USP49: variants seen among roughly 807,000 people sequenced by gnomAD.
USP49 encodes ubiquitin carboxyl-terminal hydrolase 49.
In USP49, 24 loss-of-function variants were observed where a neutral mutation model predicts 58.6. That is an observed-to-expected ratio of 0.41 (90% CI 0.30 to 0.58). The LOEUF (loss-of-function observed/expected upper bound fraction) is 0.58. USP49 is among the 20% of genes least tolerant of loss of function. The pLI is 0.30. For synonymous variants in USP49, 408 were observed against 365.1 expected, an observed-to-expected ratio of 1.12 and a Z score of -1.34; for missense variants, 703 against 866.1, an observed-to-expected ratio of 0.81 and a Z score of 2.36.
At position 41,790,609 on chromosome 6, in the gene USP49, G is replaced by A. The variant is rs1772780610; in HGVS notation, c.*5924C>T. ...TTGGAAAGGAGGGTCAGTATATAAG[G>A]ACCACAGTGGCCTGTTAAGGATGAC... On this transcript the variant is annotated 3_prime_UTR_variant, in exon 8 of 8. Coordinates refer to ENST00000682992, the MANE Select transcript of USP49 (RefSeq NM_001286554.2). 1.3e-5 allele frequency: 2 copies of A among 152,150 alleles called. No homozygotes were observed. The highest frequency in any genetic ancestry group is 6.5e-5 in the Admixed American group (1 of 15,268). 9.4% of individuals were successfully genotyped at this position (152,150 alleles called of 1,614,324 possible).
rs749453592 is a variant in USP49, at chr6:41,806,089, C to A, written c.895G>T (p.Gly299Trp). 5.7e-5 allele frequency: 92 copies of A among 1,613,906 alleles called. No individual in the cohort carries two copies. The highest frequency in any genetic ancestry group is 7.4e-5 in the Non-Finnish European group (87 of 1,180,050). ...GGCTTGCCAGAAAGCTGAGTCTTCC[C>A]GTTGGTGGCTTTGGGAAACAGATGT... ...TEHLFPKATNGKTQLSGKPTN... is the reference protein window; with the variant it reads ...TEHLFPKATNWKTQLSGKPTN... The change falls in exon 4 of 8, where the codon GGG becomes TGG. Residue 299 changes from glycine to tryptophan, a missense_variant. Coordinates refer to ENST00000682992, the MANE Select transcript of USP49 (RefSeq NM_001286554.2). The surrounding 1 kb of genome is among the most constrained non-coding windows in gnomAD (Gnocchi z 5.9).
intron 3 of USP49, among the ~76,000 whole-genome samples, chr6:41,823,418 G>C (rs1364663827): frequency 6.6e-6 from 1 of 152,174 alleles, no homozygotes; most frequent in Non-Finnish European, 1.5e-5. Context: ...TTTAGAGATA[G>C]GCAATCTGGT....
Position 41,806,371 on chromosome 6 carries a change from G to T in USP49, c.613C>A (p.Pro205Thr), listed in dbSNP as rs1309187427. The T allele has an allele frequency of 6.5e-7, 1 of 1,539,160 alleles. No homozygotes were observed. The highest frequency in any genetic ancestry group is 2.3e-5 in the East Asian group (1 of 44,240). The stretch of plus-strand genomic sequence containing the variant: ...AGGAGCAGCCGTGCACTCTTGCGCG[G>T]AGGGGTGCTGGCCAGCTCCTCCAGC... Reference protein sequence around the residue: ...RLLEELASTPPRKSARLLLHT... With the variant: ...RLLEELASTPTRKSARLLLHT... The change falls in exon 4 of 8, where the codon CCG becomes ACG. Residue 205 changes from proline to threonine, a missense_variant. By Grantham distance (38) the Pro-to-Thr change is conservative. Around this residue, in one of 6 missense-constraint regions of USP49, gnomAD observed 376 missense variants for 373.5 expected, o/e 1.01. Coordinates refer to ENST00000682992, the MANE Select transcript of USP49 (RefSeq NM_001286554.2). This position sits in a 1 kb window ranked among gnomAD's most constrained non-coding sequence, Gnocchi z 5.9.
chr6:41,811,815 G>C (rs545098550), intron 3 of USP49, among the ~76,000 whole-genome samples: 2 of 152,268 alleles, frequency 1.3e-5, no homozygotes, highest in African/African-American at 2.4e-5. Flanking sequence ...CCAACTAAGG[G>C]TACAAATTGG....
Position 41,795,749 on chromosome 6 carries a change from A to G in USP49, c.*784T>C, listed in dbSNP as rs1271983189. On this transcript the variant is annotated 3_prime_UTR_variant, in exon 8 of 8. Transcript: ENST00000682992. ...CCTAGACCTGAACCAGGGATCTGCT[A>G]CAGAACTGAGATAGCCAGGAGTGTC... 6.6e-6 allele frequency: 1 copy of G among 152,260 alleles called. No homozygotes were observed. The highest frequency in any genetic ancestry group is 2.4e-5 in the African/African-American group (1 of 41,470). 9.4% of individuals were successfully genotyped at this position (152,260 alleles called of 1,614,324 possible). A position where few individuals can be genotyped will look rare whatever the true frequency, so the allele number is the denominator to read the frequency against.
At chr6:41,797,685 T>C in intron 7 of USP49, 3 of 985,846 alleles carry the variant, frequency 3.0e-6, no homozygotes, top group Non-Finnish European at 3.6e-6. Flanking sequence ...GCTAGTGAGA[T>C]TCATACAATA....
chr6:41,844,297 G>A (rs567705283), intron 3 of USP49, among the ~76,000 whole-genome samples: 2 of 151,972 alleles, frequency 1.3e-5, no homozygotes, highest in Non-Finnish European at 2.9e-5. Context: ...TTAGGCAACT[G>A]CGTATGTTGC....
chr6:41,887,841 T>C (rs1219803849), intron 2 of USP49, among the ~76,000 whole-genome samples: 2 of 152,140 alleles, frequency 1.3e-5, no homozygotes, highest in Non-Finnish European at 2.9e-5. Context: ...CAATTTGACA[T>C]ATAATAAAAA....
At chr6:41,805,535 T>C (rs1326070312) in intron 4 of USP49, 93 bp downstream of exon 4, 1 of 1,347,016 alleles carries the variant, frequency 7.4e-7, no homozygotes, top group Non-Finnish European at 1.0e-6. Flanking sequence ...AAATGTGGGC[T>C]ACTCTTATTA....
chr6:41,864,934 T>C (rs1159651486), intron 3 of USP49, among the ~76,000 whole-genome samples: 5 of 152,166 alleles, frequency 3.3e-5, no homozygotes, highest in African/African-American at 1.2e-4. Context: ...GGGGAACAAC[T>C]CACCAGGCAA....
intron 3 of USP49, chr6:41,869,757 C>T (rs1774382817): frequency 6.6e-6 from 1 of 151,378 alleles, no homozygotes; most frequent in Non-Finnish European, 1.5e-5. Flanking sequence ...GCATGTCCTT[C>T]AAAATAGATT....
Position 41,803,952 on chromosome 6 carries a change from G to A in USP49, c.1415C>T (p.Ser472Phe). 6.2e-7 allele frequency: 1 copy of A among 1,614,086 alleles called. No individual in the cohort carries two copies. The highest frequency in any genetic ancestry group is 8.5e-7 in the Non-Finnish European group (1 of 1,180,014). ...GTGATAGCGTTCAGGGAATTCCAGG[G>A]ATAGGTCCCAAAAGGGCTCAATGGT... ...SNTIEPFWDL[S>F]LEFPERYHCI... is the part of the protein sequence containing the mutation. Residue 472 changes from serine to phenylalanine, a missense_variant, in exon 5 of 8, where the codon TCC becomes TTC. Physicochemically the swap from Ser to Phe is radical, Grantham distance 155 (BLOSUM62 -2). This residue lies in a region of USP49 where 158 missense variants were observed against 241.2 expected (regional missense o/e 0.66). Coordinates refer to ENST00000682992, the MANE Select transcript of USP49 (RefSeq NM_001286554.2). This position sits in a 1 kb window ranked among gnomAD's most constrained non-coding sequence, Gnocchi z 4.1.
chr6:41,807,884 C>T (rs1406009329), intron 3 of USP49, among the ~76,000 whole-genome samples: 1 of 151,868 alleles, frequency 6.6e-6, no homozygotes, highest in Non-Finnish European at 1.5e-5. Flanking sequence ...AGCGATTCTC[C>T]TGCCTCAGCC....
chr6:41,860,396 T>C lies in USP49; in HGVS notation c.-29+11168A>G, dbSNP rs186911378. 8.5e-5 allele frequency among the ~76,000 whole-genome samples: 13 copies of C among 152,336 alleles called. No individual in the cohort carries two copies. The East Asian group carries it at 2.3e-3, about 27-fold the overall frequency. ...TAATTCAAATCAGCAAACAATTTTT[T>C]AAATGAGATAAATGAGGAAATTTGA... is the stretch of plus-strand genomic sequence containing the variant. On this transcript the variant is annotated intron_variant, in intron 3 of 7. Coordinates refer to ENST00000682992, the MANE Select transcript of USP49 (RefSeq NM_001286554.2).
Position 41,805,721 on chromosome 6 carries a change from T to C in USP49, c.1263A>G (p.Thr421=). Residue 421 remains threonine, a synonymous_variant, in exon 4 of 8, where the codon ACA becomes ACG. Coordinates refer to ENST00000682992, the MANE Select transcript of USP49 (RefSeq NM_001286554.2). ...GGGAGAAGGGGATGAGGATCCGGCGTGTGGTGCCCTCAGACTCGAGTTCCT... is the reference window on the plus strand; with the variant it reads ...GGGAGAAGGGGATGAGGATCCGGCGCGTGGTGCCCTCAGACTCGAGTTCCT... ...VQQELESEGT[T]RRILIPFSQR... The C allele has an allele frequency of 6.2e-7, 1 of 1,614,138 alleles. No homozygotes were observed.
rs764261751 is a variant in USP49, at chr6:41,806,644, C to G, written c.340G>C (p.Gly114Arg). The G allele has an allele frequency of 1.2e-6, 2 of 1,613,540 alleles. No homozygotes were observed. The highest frequency in any genetic ancestry group is 8.5e-7 in the Non-Finnish European group (1 of 1,180,020). The change falls in exon 4 of 8, where the codon GGG becomes CGG. Residue 114 changes from glycine to arginine, a missense_variant. Transcript: ENST00000682992. The surrounding 1 kb of genome is among the most constrained non-coding windows in gnomAD (Gnocchi z 5.9). ...GQKQDTPVRR[G>R]RTLRSMASGE... is the part of the protein sequence containing the mutation. ...GAAGCCATGGACCGCAGCGTCCGCC[C>G]ACGTCTCACCGGCGTGTCCTGTTTC...
chr6:41,805,949 G>A lies in USP49; in HGVS notation c.1035C>T (p.Ile345=). 6.2e-7 allele frequency: 1 copy of A among 1,613,880 alleles called. No homozygotes were observed. The highest frequency in any genetic ancestry group is 1.1e-5 in the South Asian group (1 of 91,076). The change falls in exon 4 of 8, where the codon ATC becomes ATT. Residue 345 remains isoleucine (I), a synonymous_variant. Coordinates refer to ENST00000682992, the MANE Select transcript of USP49 (RefSeq NM_001286554.2). The part of the protein sequence containing the change: ...RASISRSLEL[I]QNKEPSSKHI... ...GCTTTGAACTCGGCTCCTTGTTCTG[G>A]ATGAGCTCCAGACTCCGACTAATGG... is the stretch of plus-strand genomic sequence containing the variant.
chr6:41,811,585 A>T (rs972830613), intron 3 of USP49, among the ~76,000 whole-genome samples: 1 of 152,152 alleles, frequency 6.6e-6, no homozygotes, highest in African/African-American at 2.4e-5. Context: ...AGAGGAGATT[A>T]TGTATATTTC....
rs118166080 is a variant in USP49 at position 41,875,572 on chromosome 6, G to C, written c.-102-3935C>G. ...TAGGCAACACAGACAAAACTTTCTA[G>C]TCTGCCTATTATTTCCCTTTACATT... On this transcript the variant is annotated intron_variant, in intron 2 of 7. Coordinates refer to ENST00000682992, the MANE Select transcript of USP49 (RefSeq NM_001286554.2). 5.8e-3 allele frequency among the ~76,000 whole-genome samples: 877 copies of C among 152,276 alleles called. 23 individuals carry two copies. Among genetic ancestry groups the C allele is most frequent in the East Asian group, 0.041 (212 of 5,186 alleles).
Sources: gnomAD v4.1 joint callset for allele counts (sites outside exome capture counted in the v4.1 genomes callset) on GRCh38, gnomAD v4.1.1 for gene constraint, gnomAD v4.1.1 regional missense constraint, Gnocchi (gnomAD v3.1) non-coding constraint, MANE v1.5 for transcripts, NCBI Gene and HGNC (gene_info 2026-07-23, HGNC 2026-07-21) for gene names.